Variants in REEP5 observed in about 807,000 individuals in gnomAD.
REEP5 encodes receptor expression-enhancing protein 5.
In REEP5, 24 loss-of-function variants were observed where a neutral mutation model predicts 22.4. That is an observed-to-expected ratio of 1.07 (90% CI 0.78 to 1.51). The LOEUF is 1.51. Ranked by LOEUF, REEP5 falls within the 40% of genes most tolerant of loss-of-function variation. REEP5 has a pLI of 0.00. For missense variants in REEP5, 252 were observed against 233.0 expected, an observed-to-expected ratio of 1.08 and a Z score of -0.53; for synonymous variants, 103 against 88.6, an observed-to-expected ratio of 1.16 and a Z score of -0.92.
intron 3 of REEP5, among the ~76,000 whole-genome samples, chr5:112,890,175 G>A (rs919648752): frequency 6.7e-6 from 1 of 150,244 alleles, no homozygotes. Context: ...TATGCCTGTG[G>A]TCCTCCTGGG....
At chr5:112,890,042 G>C (rs1266365789) in intron 3 of REEP5, among the ~76,000 whole-genome samples, 6 of 150,330 alleles carry the variant, frequency 4.0e-5, no homozygotes, top group African/African-American at 1.5e-4. Context: ...GGCCAGGCTG[G>C]TCTTGAACTC....
chr5:112,904,482 C>T (rs772893106), intron 2 of REEP5, among the ~76,000 whole-genome samples: 7 of 152,132 alleles, frequency 4.6e-5, no homozygotes, highest in Admixed American at 1.3e-4. Flanking sequence ...GTTTTGTGAA[C>T]GCAATAGCTC....
chr5:112,901,106 T>C (rs1168102078), intron 3 of REEP5, among the ~76,000 whole-genome samples: 2 of 152,100 alleles, frequency 1.3e-5, no homozygotes, highest in South Asian at 2.1e-4. Context: ...CCCAAAGTGC[T>C]AGAATTGCAG....
chr5:112,904,386 TTAATTA>T (rs1319903750), intron 2 of REEP5, among the ~76,000 whole-genome samples: 8 of 142,820 alleles, frequency 5.6e-5, no homozygotes, highest in Non-Finnish European at 1.5e-5. Context: ...TTGGATTTAT[TTAATTA>T]TTAGTATAAT....
At chr5:112,899,951 T>C (rs1265697552) in intron 3 of REEP5, among the ~76,000 whole-genome samples, 1 of 152,192 alleles carries the variant, frequency 6.6e-6, no homozygotes, top group East Asian at 1.9e-4. Flanking sequence ...AGTTTGGGGT[T>C]TTAAAGCATT....
rs712662 is a variant in REEP5 at position 112,886,997 on chromosome 5, C to G, written c.520+18G>C. ...CATCTCCTCTCACATGTGGGGCCAT[C>G]TTGTTCCTGAGTCTTACCTTCTTTA... is the stretch of plus-strand genomic sequence containing the variant. On this transcript the variant is annotated intron_variant, in intron 4 of 4. Coordinates refer to ENST00000379638, the MANE Select transcript of REEP5 (RefSeq NM_005669.5). 0.34 allele frequency: 539,782 copies of G among 1,568,828 alleles called. 96,999 individuals are homozygous for G. Among genetic ancestry groups the G allele is most frequent in the African/African-American group, 0.57 (42,122 of 74,134 alleles).
rs190258555 is a variant in REEP5 at position 112,919,534 on chromosome 5, C to A, written c.212+1629G>T. ...TGAACTGAGATTACGACACTGCACT[C>A]CAGCCTGGGCAATATAGAGCGAGAC... On this transcript the variant is annotated intron_variant, in intron 2 of 4. Transcript: ENST00000379638. Among the ~76,000 whole-genome samples the A allele has an allele frequency of 3.6e-3, 552 of 152,258 alleles. 2 individuals are homozygous for A. The highest frequency in any genetic ancestry group is 6.0e-3 in the Non-Finnish European group (411 of 68,014).
At chr5:112,882,726 A>G (rs925259704) in intron 4 of REEP5, among the ~76,000 whole-genome samples, 5 of 152,244 alleles carry the variant, frequency 3.3e-5, no homozygotes, top group Non-Finnish European at 5.9e-5. Flanking sequence ...CAACAGAGAC[A>G]TGATAGCCCA....
chr5:112,888,952 C>A (rs530070306), intron 3 of REEP5, among the ~76,000 whole-genome samples: 5 of 150,934 alleles, frequency 3.3e-5, no homozygotes, highest in Admixed American at 6.6e-5. Flanking sequence ...CCATACTGTT[C>A]TCATGGTAGT....
chr5:112,888,320 A>C (rs1768323898), intron 3 of REEP5, among the ~76,000 whole-genome samples: 1 of 152,240 alleles, frequency 6.6e-6, no homozygotes, highest in South Asian at 2.1e-4. Flanking sequence ...TAAAATGCAC[A>C]AATAGCTCAC....
chr5:112,892,612 T>C, intron 3 of REEP5: 5 of 1,614,058 alleles, frequency 3.1e-6, no homozygotes, highest in Non-Finnish European at 4.2e-6. Flanking sequence ...AATACAACAA[T>C]GTCCAAGAGG....
chr5:112,879,116 A>C (rs1206502556), intron 4 of REEP5, among the ~76,000 whole-genome samples: 1 of 152,112 alleles, frequency 6.6e-6, no homozygotes. Flanking sequence ...TCTGCCCTCT[A>C]TTCTCCTTTA....
At chr5:112,896,610 T>G (rs1439769896) in intron 3 of REEP5, 1 of 152,194 alleles carries the variant, frequency 6.6e-6, no homozygotes, top group Non-Finnish European at 1.5e-5. Context: ...GGTCAGGACC[T>G]AATCTTGCCA....
At chr5:112,901,864 G>A (rs1768855969) in intron 3 of REEP5, among the ~76,000 whole-genome samples, 1 of 151,920 alleles carries the variant, frequency 6.6e-6, no homozygotes, top group Admixed American at 6.6e-5. Flanking sequence ...TCAGGAGGCT[G>A]AGGCAGGAGA....
At chr5:112,900,666 T>A (rs964716029) in intron 3 of REEP5, among the ~76,000 whole-genome samples, 1 of 151,994 alleles carries the variant, frequency 6.6e-6, no homozygotes, top group Admixed American at 6.6e-5. Context: ...TTAACTATGG[T>A]TCCTGTGTGC....
At position 112,887,169 on chromosome 5, in the gene REEP5, C is replaced by G; in HGVS notation, c.366G>C (p.Leu122Phe). 6.2e-7 allele frequency: 1 copy of G among 1,601,300 alleles called. No individual in the cohort carries two copies. The highest frequency in any genetic ancestry group is 2.2e-5 in the East Asian group (1 of 44,722). ...FYYMLKCGFL[L>F]WCMAPSPSNG... ...TAGAAGGGCTCGGGGCCATGCACCACAACAGGAAGCCACACTGCACAGAAA... is the reference window on the plus strand; with the variant it reads ...TAGAAGGGCTCGGGGCCATGCACCAGAACAGGAAGCCACACTGCACAGAAA... The change falls in exon 4 of 5, where the codon TTG becomes TTC. Residue 122 changes from leucine (L) to phenylalanine (F), a missense_variant. Transcript: ENST00000379638.
chr5:112,889,217 C>A (rs1358323125), intron 3 of REEP5, among the ~76,000 whole-genome samples: 1 of 149,468 alleles, frequency 6.7e-6, no homozygotes, highest in East Asian at 2.0e-4. Context: ...TCCTGGGCAA[C>A]AGAGCAAGAG....
Position 112,887,164 on chromosome 5 carries a change from C to T in REEP5, c.371G>A (p.Cys124Tyr). ...CCCATTAGAAGGGCTCGGGGCCATG[C>T]ACCACAACAGGAAGCCACACTGCAC... ...YMLKCGFLLWCMAPSPSNGAE... is the reference protein window; with the variant it reads ...YMLKCGFLLWYMAPSPSNGAE... Residue 124 changes from cysteine (C) to tyrosine (Y), a missense_variant, in exon 4 of 5, where the codon TGC becomes TAC. Physicochemically the swap from Cys to Tyr is radical, Grantham distance 194. Coordinates refer to ENST00000379638, the MANE Select transcript of REEP5 (RefSeq NM_005669.5). 1.2e-6 allele frequency: 2 copies of T among 1,604,526 alleles called. No homozygotes were observed. Among genetic ancestry groups the T allele is most frequent in the Non-Finnish European group, 8.5e-7 (1 of 1,174,066 alleles).
intron 3 of REEP5, chr5:112,893,094 T>TAAAAAAAAAAAAAA (rs552226372): frequency 2.0e-4 from 100 of 501,486 alleles, no homozygotes; most frequent in South Asian, 2.7e-4. Flanking sequence ...GTTTTGTTCT[T>TAAAAAAAAAAAAAA]AAAAAAAAAA....
Sources: allele counts gnomAD v4.1 joint callset (sites outside exome capture counted in the v4.1 genomes callset), GRCh38; gene constraint gnomAD v4.1.1; transcripts MANE v1.5; gene names NCBI Gene and HGNC (gene_info 2026-07-23, HGNC 2026-07-21).